Variants in MSRA observed in about 807,000 individuals in gnomAD.
MSRA encodes the protein mitochondrial peptide methionine sulfoxide reductase.
A neutral mutation model predicts 31.3 loss-of-function variants in MSRA; 54 were observed. The observed-to-expected ratio is 1.73, with a 90% CI of 1.39 to 2.17. The LOEUF (loss-of-function observed/expected upper bound fraction) is 2.17, where lower values mean the gene tolerates loss of function less well. Ranked by LOEUF, MSRA falls within the 30% of genes most tolerant of loss-of-function variation. The probability of loss-of-function intolerance (pLI) is 0.00; values close to 1 mark genes in which losing one functional copy is unlikely to be tolerated. For missense variants in MSRA, 507 were observed against 300.9 expected (o/e 1.69, Z -5.07); for synonymous variants, 169 against 116.5 (o/e 1.45, Z -2.90).
At chr8:10,298,119 C>G (rs1563323281) in intron 3 of MSRA, among the ~76,000 whole-genome samples, 1 of 152,200 alleles carries the variant, frequency 6.6e-6, no homozygotes, top group South Asian at 2.1e-4. Context: ...ATTTCCTCAT[C>G]TGTTTAATGG....
At chr8:10,109,281 A>G (rs1800107678) in intron 1 of MSRA, among the ~76,000 whole-genome samples, 1 of 151,994 alleles carries the variant, frequency 6.6e-6, no homozygotes, top group Admixed American at 6.6e-5. Context: ...TTAAATCAAT[A>G]TTAGAGTACT....
chr8:10,399,572 G>C (rs183126969), intron 5 of MSRA, among the ~76,000 whole-genome samples: 66 of 152,274 alleles, frequency 4.3e-4, no homozygotes, highest in African/African-American at 1.5e-3. Context: ...ACCAGAAGCC[G>C]AGCAGATGCC....
intron 2 of MSRA, among the ~76,000 whole-genome samples, chr8:10,223,454 A>C (rs1244978571): frequency 6.6e-6 from 1 of 152,156 alleles, no homozygotes; most frequent in Non-Finnish European, 1.5e-5. Flanking sequence ...TAACTCTTTT[A>C]CCTCCACAGA....
intron 1 of MSRA, among the ~76,000 whole-genome samples, chr8:10,133,792 G>A (rs1338919407): frequency 6.6e-6 from 1 of 152,166 alleles, no homozygotes; most frequent in African/African-American, 2.4e-5. Flanking sequence ...TGACCTGTCA[G>A]TTTAGCTCTT....
chr8:10,339,924 C>T (rs1463950426), intron 5 of MSRA, among the ~76,000 whole-genome samples: 1 of 152,142 alleles, frequency 6.6e-6, no homozygotes, highest in East Asian at 1.9e-4. Context: ...AGGCTGTTCT[C>T]AGGCCCTACC....
intron 1 of MSRA, among the ~76,000 whole-genome samples, chr8:10,147,094 T>G (rs948521211): frequency 4.6e-5 from 7 of 151,824 alleles, no homozygotes; most frequent in African/African-American, 1.7e-4. Flanking sequence ...AGGTGACAAA[T>G]GTAAGGGACA....
chr8:10,389,575 A>T (rs11249998), intron 5 of MSRA, among the ~76,000 whole-genome samples: 151,990 of 152,290 alleles, frequency 1, 75,847 homozygotes, highest in Middle Eastern at 1. Flanking sequence ...CACTGACAGG[A>T]CTCCTTCCCT....
At chr8:10,196,842 G>C (rs1348228843) in intron 1 of MSRA, among the ~76,000 whole-genome samples, 1 of 152,018 alleles carries the variant, frequency 6.6e-6, no homozygotes, top group Non-Finnish European at 1.5e-5. Context: ...AAAGTGCTGG[G>C]ATTACAGGCA....
chr8:10,323,430 T>A (rs1224354680), intron 5 of MSRA, among the ~76,000 whole-genome samples: 1 of 152,160 alleles, frequency 6.6e-6, no homozygotes, highest in Non-Finnish European at 1.5e-5. Context: ...AATATGATGA[T>A]ATCCTGGTGT....
intron 2 of MSRA, among the ~76,000 whole-genome samples, chr8:10,212,533 A>G (rs905302686): frequency 3.9e-5 from 6 of 152,246 alleles, no homozygotes; most frequent in Non-Finnish European, 7.3e-5. Flanking sequence ...AACTTTGGAA[A>G]TTATATTCAA....
intron 5 of MSRA, among the ~76,000 whole-genome samples, chr8:10,359,878 A>C (rs900655898): frequency 6.6e-6 from 1 of 152,128 alleles, no homozygotes; most frequent in Non-Finnish European, 1.5e-5. Context: ...ACCTTACAGC[A>C]CTGTTCCATC....
intron 5 of MSRA, among the ~76,000 whole-genome samples, chr8:10,382,919 A>G (rs1407544542): frequency 6.6e-6 from 1 of 152,184 alleles, no homozygotes; most frequent in East Asian, 1.9e-4. Flanking sequence ...TCAGGTCTTC[A>G]TCTTCCTGAA....
chr8:10,145,346 G>A (rs1010463335), intron 1 of MSRA, among the ~76,000 whole-genome samples: 3 of 152,222 alleles, frequency 2.0e-5, no homozygotes, highest in Non-Finnish European at 4.4e-5. Context: ...AGACATTTCG[G>A]TTAGATAAGG....
At chr8:10,305,805 G>C (rs1034986882) in intron 4 of MSRA, among the ~76,000 whole-genome samples, 2 of 152,184 alleles carry the variant, frequency 1.3e-5, no homozygotes, top group African/African-American at 4.8e-5. Flanking sequence ...CCCGAGACCT[G>C]TTATTCCACA....
intron 4 of MSRA, among the ~76,000 whole-genome samples, chr8:10,318,540 T>G (rs903211180): frequency 1.3e-5 from 2 of 152,226 alleles, no homozygotes; most frequent in African/African-American, 4.8e-5. Flanking sequence ...TAGGAGTTAT[T>G]CTATCATCAA....
chr8:10,221,866 A>G (rs1174322744), intron 2 of MSRA, among the ~76,000 whole-genome samples: 1 of 152,134 alleles, frequency 6.6e-6, no homozygotes, highest in East Asian at 1.9e-4. Context: ...CCCAGGCAGA[A>G]GGAATGCAAG....
intron 1 of MSRA, chr8:10,095,632 A>C (rs1237778039): frequency 7.1e-6 from 7 of 991,172 alleles, no homozygotes; most frequent in Non-Finnish European, 7.2e-6. Flanking sequence ...GGCACAGCTC[A>C]GTCAAATCAG....
intron 1 of MSRA, among the ~76,000 whole-genome samples, chr8:10,163,830 G>C (rs1019560319): frequency 1.3e-5 from 2 of 152,246 alleles, no homozygotes; most frequent in African/African-American, 2.4e-5. Flanking sequence ...TGGTGTGGCA[G>C]ACGAGGGCAC....
intron 1 of MSRA, among the ~76,000 whole-genome samples, chr8:10,206,838 C>T (rs1809026668): frequency 6.6e-6 from 1 of 152,206 alleles, no homozygotes; most frequent in Non-Finnish European, 1.5e-5. Flanking sequence ...TTTGTTTTTG[C>T]AGTTGTTATT....
Sources: allele counts gnomAD v4.1 joint callset (sites outside exome capture counted in the v4.1 genomes callset), GRCh38; gene constraint gnomAD v4.1.1; transcripts MANE v1.5; gene names NCBI Gene and HGNC (gene_info 2026-07-23, HGNC 2026-07-21).